Variants in EGFL6 observed in about 807,000 individuals in gnomAD.
EGFL6 encodes the protein EGF like domain multiple 6, also known as epidermal growth factor-like protein 6.
In EGFL6, 42 loss-of-function variants were observed where a neutral mutation model predicts 43.1. That is an observed-to-expected ratio of 0.98 (90% CI 0.76 to 1.26). EGFL6 has a LOEUF of 1.26. EGFL6 is among the 50% of genes most tolerant of loss of function. EGFL6 has a pLI of 0.00. For missense variants in EGFL6, 429 were observed against 427.8 expected (o/e 1.00, Z -0.02); for synonymous variants, 164 against 163.2 (o/e 1.01, Z -0.04).
At chrX:13,583,892 A>G (rs2045520885) in intron 1 of EGFL6, among the ~76,000 whole-genome samples, 1 of 111,582 alleles carries the variant, frequency 9.0e-6, no homozygotes, top group Non-Finnish European at 1.9e-5. Context: ...GCTGCCACCA[A>G]TGACTGAGCA....
At position 13,569,846 on chromosome X, in the gene EGFL6, G is replaced by A. The variant is rs2045429939; in HGVS notation, c.-16G>A. On this transcript the variant is annotated 5_prime_UTR_variant, in exon 1 of 12. Coordinates refer to ENST00000361306, the MANE Select transcript of EGFL6 (RefSeq NM_015507.4). Reference sequence around the variant, plus strand: ...CCGAGGGGGGCTCAGGAGGAGGAAGGAGGACCCGTGCGAGAATGCCTCTGC... The same window carrying A: ...CCGAGGGGGGCTCAGGAGGAGGAAGAAGGACCCGTGCGAGAATGCCTCTGC... 1 of 1,210,812 alleles carries A rather than the reference G, an allele frequency of 8.3e-7. No homozygotes were observed. The highest frequency in any genetic ancestry group is 1.1e-6 in the Non-Finnish European group (1 of 894,405).
chrX:13,577,298 T>TTATATATATATATA (rs1199851773), intron 1 of EGFL6, among the ~76,000 whole-genome samples: 4 of 24,459 alleles, frequency 1.6e-4, no homozygotes, highest in Non-Finnish European at 2.2e-4. Context: ...TATATGAATT[T>TTATATATATATATA]TATATATATA....
chrX:13,616,390 A>G (rs778727892), intron 7 of EGFL6, among the ~76,000 whole-genome samples: 1 of 111,707 alleles, frequency 9.0e-6, no homozygotes, highest in East Asian at 2.8e-4. Flanking sequence ...TGGGTGGATC[A>G]CCCGAGGTCA....
intron 3 of EGFL6, among the ~76,000 whole-genome samples, chrX:13,597,167 G>C (rs1014844358): frequency 8.9e-6 from 1 of 112,027 alleles, no homozygotes; most frequent in Non-Finnish European, 1.9e-5. Flanking sequence ...AAGAAACCCT[G>C]GCATGAAGAA....
In EGFL6 at chrX:13,602,731, G is replaced by A. The variant is rs1421201101; in HGVS notation, c.401-586G>A. Reference sequence around the variant, plus strand: ...CTCTTTGGCCACACTGCATCATATGGCCACTCCTTGCTGAAGGAAAGCTGG... The same window carrying A: ...CTCTTTGGCCACACTGCATCATATGACCACTCCTTGCTGAAGGAAAGCTGG... On this transcript the variant is annotated intron_variant, in intron 4 of 11. Coordinates refer to ENST00000361306, the MANE Select transcript of EGFL6 (RefSeq NM_015507.4). Among the ~76,000 whole-genome samples the A allele has an allele frequency of 2.7e-5, 3 of 112,120 alleles. No homozygotes were observed. The East Asian group carries it at 8.3e-4, about 31-fold the overall frequency.
At position 13,602,548 on chromosome X, in the gene EGFL6, C is replaced by T. The variant is rs183280985; in HGVS notation, c.401-769C>T. Among the ~76,000 whole-genome samples the T allele has an allele frequency of 1.5e-4, 17 of 111,755 alleles. No individual in the cohort carries two copies. In the East Asian group the frequency reaches 3.1e-3, roughly 20 times the overall value. On this transcript the variant is annotated intron_variant, in intron 4 of 11. Coordinates refer to ENST00000361306, the MANE Select transcript of EGFL6 (RefSeq NM_015507.4). ...GGCCTCATAGTTACAATATGGCTGC[C>T]CTAGCTCCAGACATCACACACACAT... is the stretch of plus-strand genomic sequence containing the variant.
At chrX:13,583,018 A>C in intron 1 of EGFL6, among the ~76,000 whole-genome samples, 1 of 111,450 alleles carries the variant, frequency 9.0e-6, no homozygotes, top group African/African-American at 3.3e-5. Flanking sequence ...TGTATTACAA[A>C]ATTCTTGATA....
At chrX:13,587,408 A>G (rs2045539481) in intron 1 of EGFL6, among the ~76,000 whole-genome samples, 1 of 111,689 alleles carries the variant, frequency 9.0e-6, no homozygotes, top group South Asian at 3.8e-4. Context: ...ACATGCATAG[A>G]CTATATCATG....
At chrX:13,598,876 T>C (rs868487937) in intron 3 of EGFL6, among the ~76,000 whole-genome samples, 1 of 103,732 alleles carries the variant, frequency 9.6e-6, no homozygotes, top group African/African-American at 3.5e-5. Flanking sequence ...ATATATTTCA[T>C]ATATATAATT....
At chrX:13,588,000 A>G (rs192374136) in intron 1 of EGFL6, among the ~76,000 whole-genome samples, 317 of 112,301 alleles carry the variant, frequency 2.8e-3, no homozygotes, top group Non-Finnish European at 4.2e-3. Flanking sequence ...GATAAAGACC[A>G]TTGTTAAATA....
rs750826961 is a variant in EGFL6 at position 13,618,067 on chromosome X, T to G, written c.1102+14T>G. ...GAGATGTGTTTTGTGAGTGTTATTT[T>G]TATTTTATATGTTTTATGAAAAATG... On this transcript the variant is annotated intron_variant, in intron 8 of 11. Transcript: ENST00000361306. The G allele has an allele frequency of 8.6e-7, 1 of 1,157,346 alleles. No homozygotes were observed. Among genetic ancestry groups the G allele is most frequent in the Non-Finnish European group, 1.2e-6 (1 of 868,635 alleles).
At position 13,598,055 on chromosome X, in the gene EGFL6, G is replaced by A. The variant is rs184880659; in HGVS notation, c.281-1920G>A. ...CTGTGGCAGCCTGATCAAAGTCCAC[G>A]TACATCCATTAATGGTGACAGGCCT... On this transcript the variant is annotated intron_variant, in intron 3 of 11. Coordinates refer to ENST00000361306, the MANE Select transcript of EGFL6 (RefSeq NM_015507.4). Among the ~76,000 whole-genome samples, 19 of 112,165 alleles carry A rather than the reference G, an allele frequency of 1.7e-4. No homozygotes were observed. The East Asian group carries it at 2.0e-3, about 12-fold the overall frequency.
At chrX:13,579,695 T>C (rs992887011) in intron 1 of EGFL6, among the ~76,000 whole-genome samples, 1 of 111,694 alleles carries the variant, frequency 9.0e-6, no homozygotes, top group Middle Eastern at 4.6e-3. Context: ...CCTCAAATAG[T>C]AGATTCTTTG....
At chrX:13,579,258 C>A (rs2045492264) in intron 1 of EGFL6, among the ~76,000 whole-genome samples, 1 of 111,084 alleles carries the variant, frequency 9.0e-6, no homozygotes, top group South Asian at 3.9e-4. Context: ...ACCCTCCACT[C>A]TCAAATAGGC....
intron 1 of EGFL6, among the ~76,000 whole-genome samples, chrX:13,570,512 T>G (rs932908612): frequency 8.9e-6 from 1 of 111,957 alleles, no homozygotes; most frequent in Non-Finnish European, 1.9e-5. Context: ...GGTTGTCAGA[T>G]GACAACCATT....
intron 1 of EGFL6, among the ~76,000 whole-genome samples, chrX:13,572,065 A>C (rs1200686297): frequency 8.9e-6 from 1 of 112,530 alleles, no homozygotes; most frequent in African/African-American, 3.2e-5. Context: ...GTACACAATT[A>C]ACGCTCATCA....
Position 13,608,340 on chromosome X carries a change from T to A in EGFL6, c.672T>A (p.Thr224=). Residue 224 remains threonine (T), a synonymous_variant, in exon 7 of 12, where the codon ACT becomes ACA. Transcript: ENST00000361306. ...CTTTTTTAGATATAAATGAATGTAC[T>A]ATGGATAGCCATACGTGCAGCCACC... The part of the protein sequence containing the change: ...RYDCIDINEC[T]MDSHTCSHHA... 4 of 1,209,558 alleles carry A rather than the reference T, an allele frequency of 3.3e-6. No homozygotes were observed. Among genetic ancestry groups the A allele is most frequent in the Non-Finnish European group, 4.5e-6 (4 of 894,027 alleles).
intron 3 of EGFL6, among the ~76,000 whole-genome samples, chrX:13,598,558 AGTTGTTGTTGTT>A (rs72060307): frequency 5.7e-5 from 6 of 104,840 alleles, no homozygotes; most frequent in Admixed American, 1.0e-4. Flanking sequence ...CTTATTCTTA[AGTTGTTGTTGTT>A]GTTGTTGTTG....
chrX:13,585,035 C>T (rs2146964609), intron 1 of EGFL6, among the ~76,000 whole-genome samples: 1 of 111,884 alleles, frequency 8.9e-6, no homozygotes, highest in East Asian at 2.8e-4. Context: ...AAGAGAAAAA[C>T]CTTATCAAAT....
Sources: allele counts gnomAD v4.1 joint callset (sites outside exome capture counted in the v4.1 genomes callset), GRCh38; gene constraint gnomAD v4.1.1; transcripts MANE v1.5; gene names NCBI Gene and HGNC (gene_info 2026-07-23, HGNC 2026-07-21).